Variants in LMOD2 observed in about 807,000 individuals in gnomAD.
LMOD2 encodes the protein leiomodin 2.
A neutral mutation model predicts 41.7 loss-of-function variants in LMOD2; 27 were observed. The observed-to-expected ratio is 0.65, with a 90% CI of 0.48 to 0.89. The LOEUF (loss-of-function observed/expected upper bound fraction) is 0.89, where lower values mean the gene tolerates loss of function less well. Ranked by LOEUF, LMOD2 falls within the 40% of genes least tolerant of loss-of-function variation. The pLI is 0.00. For missense variants in LMOD2, 624 were observed against 667.9 expected, an observed-to-expected ratio of 0.93 and a Z score of 0.72; for synonymous variants, 251 against 244.6, an observed-to-expected ratio of 1.03 and a Z score of -0.25.
rs1802898519 is a variant in LMOD2, at chr7:123,662,614, GC to G, written c.1029del (p.Ser343ArgfsTer2). The G allele has an allele frequency of 1.2e-6, 2 of 1,613,984 alleles. No homozygotes were observed. Among genetic ancestry groups the G allele is most frequent in the East Asian group, 4.5e-5 (2 of 44,876 alleles). On this transcript the variant is annotated frameshift_variant, in exon 2 of 3. Transcript: ENST00000458573. LOFTEE classifies it high-confidence loss of function. The surrounding 1 kb of genome is among the most constrained non-coding windows in gnomAD (Gnocchi z 4.0). ...YHFELPGPRM[S>X]MTSILTRNMD... ...TTTGAACTCCCAGGACCAAGAATGA[GC>G]ATGACGAGCATTTTGACAAGAAATA...
intron 2 of LMOD2, 129 bp downstream of exon 2, chr7:123,663,332 A>G (rs1438956010): frequency 2.5e-6 from 3 of 1,183,818 alleles, no homozygotes; most frequent in African/African-American, 3.1e-5. Context: ...TGCGAGAGCA[A>G]ACACACCAAG....
chr7:123,657,594 G>A (rs1802807750), intron 1 of LMOD2, among the ~76,000 whole-genome samples: 1 of 152,096 alleles, frequency 6.6e-6, no homozygotes, highest in African/African-American at 2.4e-5. Flanking sequence ...ATTGTTTTAA[G>A]AGGGATTTTT....
chr7:123,660,184 C>T (rs1802850403), intron 1 of LMOD2, among the ~76,000 whole-genome samples: 1 of 152,082 alleles, frequency 6.6e-6, no homozygotes, highest in African/African-American at 2.4e-5. Context: ...GGCTTCCTCT[C>T]TTCCCTCACG....
In LMOD2 at chr7:123,661,927, A is replaced by G. The variant is rs745638808; in HGVS notation, c.341A>G (p.Glu114Gly). 1.7e-5 allele frequency: 26 copies of G among 1,552,208 alleles called. No individual in the cohort carries two copies. Among genetic ancestry groups the G allele is most frequent in the Non-Finnish European group, 2.1e-5 (24 of 1,147,424 alleles). ...ACTGAAAGTAACAGTGAGGTTTCTGAGGAAGTGTATACAGAGGAGGAGGAG... is the reference window on the plus strand; with the variant it reads ...ACTGAAAGTAACAGTGAGGTTTCTGGGGAAGTGTATACAGAGGAGGAGGAG... Reference protein sequence around the residue: ...IFTESNSEVSEEVYTEEEEEE... With the variant: ...IFTESNSEVSGEVYTEEEEEE... Residue 114 changes from glutamate (E) to glycine (G), a missense_variant, in exon 2 of 3, where the codon GAG becomes GGG. Coordinates refer to ENST00000458573, the MANE Select transcript of LMOD2 (RefSeq NM_207163.3).
In LMOD2 at chr7:123,663,191, A is replaced by T. The variant is rs369230778; in HGVS notation, c.1605A>T (p.Lys535Asn). Reference protein sequence around the residue: ...LMEAIRGSSIKQLKRVEVPEA... With the variant: ...LMEAIRGSSINQLKRVEVPEA... ...AAGCAATTCGGGGAAGCAGCATAAA[A>T]CAGCTAAAGCGGGTAAGTAACCAGA... Residue 535 changes from lysine (K) to asparagine (N), a missense_variant, in exon 2 of 3, where the codon AAA becomes AAT. By Grantham distance (94) the Lys-to-Asn change is moderately conservative (BLOSUM62 0). Transcript: ENST00000458573. 2.3e-5 allele frequency: 36 copies of T among 1,566,754 alleles called. No individual in the cohort carries two copies. The African/African-American group carries it at 4.3e-4, about 19-fold the overall frequency.
chr7:123,662,035 C>T lies in LMOD2; in HGVS notation c.449C>T (p.Thr150Ile). Residue 150 changes from threonine to isoleucine, a missense_variant, in exon 2 of 3, where the codon ACT becomes ATT. By Grantham distance (89) the Thr-to-Ile change is moderately conservative. Coordinates refer to ENST00000458573, the MANE Select transcript of LMOD2 (RefSeq NM_207163.3). The surrounding 1 kb of genome is among the most constrained non-coding windows in gnomAD (Gnocchi z 4.0). ...TIETAKGING[T>I]VNYDSVNSDN... ...GAAACTGCAAAAGGGATTAATGGAA[C>T]TGTAAATTATGATAGTGTCAATTCT... 1 of 1,582,760 alleles carries T rather than the reference C, an allele frequency of 6.3e-7. No individual in the cohort carries two copies. Among genetic ancestry groups the T allele is most frequent in the Non-Finnish European group, 8.6e-7 (1 of 1,163,412 alleles).
chr7:123,657,982 T>G (rs544702899), intron 1 of LMOD2, among the ~76,000 whole-genome samples: 73 of 128,742 alleles, frequency 5.7e-4, no homozygotes, highest in African/African-American at 1.8e-3. Context: ...AACCAAAACC[T>G]TGTCTCATTA....
At chr7:123,656,326 C>T in intron 1 of LMOD2, 90 bp downstream of exon 1, 1 of 1,344,354 alleles carries the variant, frequency 7.4e-7, no homozygotes, top group Non-Finnish European at 1.0e-6. Flanking sequence ...CTTCTCAATC[C>T]TCATCACTTG....
In LMOD2 at chr7:123,662,262, A is replaced by G. The variant is rs1802889172; in HGVS notation, c.676A>G (p.Thr226Ala). ...VNLNNIENIT[T>A]QTLTRFAEAL... is the part of the protein sequence containing the mutation. Reference sequence around the variant, plus strand: ...TTTGAACAACATTGAGAACATCACAACACAGACCCTTACCCGCTTTGCTGA... The same window carrying G: ...TTTGAACAACATTGAGAACATCACAGCACAGACCCTTACCCGCTTTGCTGA... The change falls in exon 2 of 3, where the codon ACA becomes GCA. Residue 226 changes from threonine to alanine, a missense_variant. Transcript: ENST00000458573. The surrounding 1 kb of genome is among the most constrained non-coding windows in gnomAD (Gnocchi z 4.0). 2 of 1,613,926 alleles carry G rather than the reference A, an allele frequency of 1.2e-6. No homozygotes were observed. Among genetic ancestry groups the G allele is most frequent in the South Asian group, 1.1e-5 (1 of 91,088 alleles).
intron 1 of LMOD2, among the ~76,000 whole-genome samples, chr7:123,658,466 G>A (rs1443730049): frequency 6.6e-6 from 1 of 152,290 alleles, no homozygotes; most frequent in Middle Eastern, 3.4e-3. Context: ...ATTATCAGGC[G>A]GCTGGCTCTG....
At position 123,662,412 on chromosome 7, in the gene LMOD2, G is replaced by A. The variant is rs375967057; in HGVS notation, c.826G>A (p.Glu276Lys). 52 of 1,613,808 alleles carry A rather than the reference G, an allele frequency of 3.2e-5. No individual in the cohort carries two copies. The highest frequency in any genetic ancestry group is 5.0e-5 in the Admixed American group (3 of 59,996). The change falls in exon 2 of 3, where the codon GAG (glutamate) becomes AAG (lysine). Residue 276 changes from glutamate (E) to lysine (K), a missense_variant. Coordinates refer to ENST00000458573, the MANE Select transcript of LMOD2 (RefSeq NM_207163.3). The surrounding 1 kb of genome is among the most constrained non-coding windows in gnomAD (Gnocchi z 4.0). ...VNEHITNVNV[E>K]SNFITGKGIL... ...TGAGCACATCACCAACGTAAACGTC[G>A]AGTCCAACTTCATAACGGGAAAGGG...
intron 1 of LMOD2, among the ~76,000 whole-genome samples, chr7:123,659,856 TCA>T (rs1164765423): frequency 2.0e-5 from 3 of 152,160 alleles, no homozygotes; most frequent in East Asian, 3.8e-4. Flanking sequence ...ATATGACAAT[TCA>T]CAGTTTCAGA....
At chr7:123,656,990 T>A (rs949580748) in intron 1 of LMOD2, among the ~76,000 whole-genome samples, 2 of 152,172 alleles carry the variant, frequency 1.3e-5, no homozygotes, top group African/African-American at 2.4e-5. Context: ...TGATAACACA[T>A]CCTGAAACCC....
At chr7:123,657,078 G>A (rs1181309495) in intron 1 of LMOD2, among the ~76,000 whole-genome samples, 4 of 152,172 alleles carry the variant, frequency 2.6e-5, no homozygotes, top group Admixed American at 6.5e-5. Context: ...TGATCCTGAG[G>A]TTAGGAAATG....
chr7:123,659,269 A>G (rs1400302142), intron 1 of LMOD2, among the ~76,000 whole-genome samples: 1 of 152,160 alleles, frequency 6.6e-6, no homozygotes, highest in Non-Finnish European at 1.5e-5. Flanking sequence ...TCCCACCTCC[A>G]TTCTCCAAAG....
At chr7:123,659,813 A>G (rs1481239375) in intron 1 of LMOD2, among the ~76,000 whole-genome samples, 1 of 152,188 alleles carries the variant, frequency 6.6e-6, no homozygotes, top group Non-Finnish European at 1.5e-5. Context: ...GATGTCAAAG[A>G]AGGCTTTCTG....
At chr7:123,661,334 A>G (rs1802871902) in intron 1 of LMOD2, among the ~76,000 whole-genome samples, 1 of 152,248 alleles carries the variant, frequency 6.6e-6, no homozygotes, top group African/African-American at 2.4e-5. Context: ...GGCTTCTGTC[A>G]CATCTGCTAT....
chr7:123,663,511 C>A (rs1802925591), intron 2 of LMOD2: 2 of 605,772 alleles, frequency 3.3e-6, no homozygotes, highest in African/African-American at 1.9e-5. Flanking sequence ...CAAAAGGATT[C>A]ACCACTTGTC....
At position 123,662,515 on chromosome 7, in the gene LMOD2, T is replaced by TGG; in HGVS notation, c.931_932dup (p.Ser312AlafsTer12). ...CGTTTCCATAACCAGAGGCACATCA[T>TGG]GGGCAGCCAGGTGGAAATGGAGATT... On this transcript the variant is annotated frameshift_variant, in exon 2 of 3. Coordinates refer to ENST00000458573, the MANE Select transcript of LMOD2 (RefSeq NM_207163.3). LOFTEE classifies it high-confidence loss of function. The surrounding 1 kb of genome is among the most constrained non-coding windows in gnomAD (Gnocchi z 4.0). 6.2e-7 allele frequency: 1 copy of TGG among 1,613,896 alleles called. No homozygotes were observed. Among genetic ancestry groups the TGG allele is most frequent in the Non-Finnish European group, 8.5e-7 (1 of 1,179,862 alleles).
Sources: gnomAD v4.1 joint callset for allele counts (sites outside exome capture counted in the v4.1 genomes callset) on GRCh38, gnomAD v4.1.1 for gene constraint, Gnocchi (gnomAD v3.1) non-coding constraint, MANE v1.5 for transcripts, NCBI Gene and HGNC (gene_info 2026-07-23, HGNC 2026-07-21) for gene names.